Variants in BLOC1S6 observed in about 807,000 individuals in gnomAD.
BLOC1S6 encodes the protein biogenesis of lysosome-related organelles complex 1 subunit 6.
In BLOC1S6, 24 loss-of-function variants were observed where a neutral mutation model predicts 24.7. That is an observed-to-expected ratio of 0.97 (90% CI 0.70 to 1.37). BLOC1S6 has a LOEUF of 1.37. Among genes scored for constraint, BLOC1S6 ranks in the 40% most tolerant of loss-of-function variants. The pLI is 0.00. For missense variants in BLOC1S6, 175 were observed against 196.2 expected (o/e 0.89, Z 0.64); for synonymous variants, 76 against 72.6 (o/e 1.05, Z -0.23).
intron 1 of BLOC1S6, 84 bp downstream of exon 1, chr15:45,587,609 G>A (rs1191827799): frequency 2.9e-6 from 4 of 1,369,874 alleles, no homozygotes; most frequent in East Asian, 5.0e-5. Flanking sequence ...GAGAAACCCT[G>A]GGGGAGTAAG....
At position 45,605,465 on chromosome 15, in the gene BLOC1S6, A is replaced by T. The variant is rs1230644464; in HGVS notation, c.350A>T (p.Asn117Ile). Reference protein sequence around the residue: ...EAKHYHAKLVNIRKEMLMLHE... With the variant: ...EAKHYHAKLVIIRKEMLMLHE... ...AAACACTATCATGCCAAGTTGGTGA[A>T]TATAAGAAAAGAGATGCTGATGCTT... Residue 117 changes from asparagine to isoleucine, a missense_variant, in exon 4 of 5, where the codon AAT becomes ATT. Asn to Ile is a moderately radical substitution (Grantham distance 149, BLOSUM62 -3). Transcript: ENST00000220531. 6.2e-7 allele frequency: 1 copy of T among 1,612,964 alleles called. No homozygotes were observed. The highest frequency in any genetic ancestry group is 1.1e-5 in the South Asian group (1 of 90,768).
At chr15:45,598,085 A>G (rs979037086) in intron 2 of BLOC1S6, 6 of 157,804 alleles carry the variant, frequency 3.8e-5, no homozygotes, top group African/African-American at 1.4e-4. Flanking sequence ...AAAGACAAAA[A>G]CCACATGATT....
At position 45,592,481 on chromosome 15, in the gene BLOC1S6, C is replaced by T. The variant is rs719019; in HGVS notation, c.224+205C>T. Among the ~76,000 whole-genome samples, 14,492 of 152,072 alleles carry T rather than the reference C, an allele frequency of 0.095. 2,366 individuals carry two copies. Among genetic ancestry groups the T allele is most frequent in the African/African-American group, 0.33 (13,830 of 41,416 alleles). Reference sequence around the variant, plus strand: ...GTGAAATGAATACTCCTAGGGTGTTCGATCTCTTCTAAGAAGTACTCCTAA... The same window carrying T: ...GTGAAATGAATACTCCTAGGGTGTTTGATCTCTTCTAAGAAGTACTCCTAA... On this transcript the variant is annotated intron_variant, in intron 2 of 4. Coordinates refer to ENST00000220531, the MANE Select transcript of BLOC1S6 (RefSeq NM_012388.4).
rs906584346 is a variant in BLOC1S6 at position 45,593,507 on chromosome 15, T to G, written c.224+1231T>G. Among the ~76,000 whole-genome samples the G allele has an allele frequency of 2.0e-5, 3 of 152,128 alleles. No homozygotes were observed. The South Asian group carries it at 6.2e-4, about 31-fold the overall frequency. ...CTAATCCCAAACAAGATTTTTTTTA[T>G]CCCTAGCGCGCGATATACCTTATAT... On this transcript the variant is annotated intron_variant, in intron 2 of 4. Transcript: ENST00000220531.
chr15:45,609,278 C>T lies in BLOC1S6; in HGVS notation c.*2764C>T, dbSNP rs1035588334. ...TCAAGGCTGCAGTGAATTCTGATCGCACCACTGAACTCCAGCCCGTATGAC... is the reference window on the plus strand; with the variant it reads ...TCAAGGCTGCAGTGAATTCTGATCGTACCACTGAACTCCAGCCCGTATGAC... On this transcript the variant is annotated 3_prime_UTR_variant, in exon 5 of 5. Coordinates refer to ENST00000220531, the MANE Select transcript of BLOC1S6 (RefSeq NM_012388.4). 1.3e-5 allele frequency: 2 copies of T among 152,108 alleles called. No individual in the cohort carries two copies. Among genetic ancestry groups the T allele is most frequent in the African/African-American group, 4.8e-5 (2 of 41,386 alleles). 9.4% of individuals were successfully genotyped at this position (152,108 alleles called of 1,614,324 possible). A position where few individuals can be genotyped will look rare whatever the true frequency, so the allele number is the denominator to read the frequency against.
At chr15:45,588,814 C>T (rs1304357266) in intron 1 of BLOC1S6, among the ~76,000 whole-genome samples, 1 of 152,214 alleles carries the variant, frequency 6.6e-6, no homozygotes, top group African/African-American at 2.4e-5. Flanking sequence ...CAGAAGTATC[C>T]TGTACTGTAT....
At chr15:45,593,254 T>C (rs1158098878) in intron 2 of BLOC1S6, among the ~76,000 whole-genome samples, 1 of 151,498 alleles carries the variant, frequency 6.6e-6, no homozygotes, top group Non-Finnish European at 1.5e-5. Flanking sequence ...GGCGTGGTGG[T>C]GTGCACCTGT....
chr15:45,605,804 G>T, intron 4 of BLOC1S6: 1 of 343,668 alleles, frequency 2.9e-6, no homozygotes, highest in Non-Finnish European at 5.5e-6. Context: ...TGGCCAGGCT[G>T]GTCTCAAACT....
rs2140920880 is a variant in BLOC1S6 at position 45,606,737 on chromosome 15, T to C, written c.*223T>C. Reference sequence around the variant, plus strand: ...TTTCAAATTTTGCTTAATTTTAAAATTTATTATTTTGATCTTGAATTATTT... The same window carrying C: ...TTTCAAATTTTGCTTAATTTTAAAACTTATTATTTTGATCTTGAATTATTT... On this transcript the variant is annotated 3_prime_UTR_variant, in exon 5 of 5. Transcript: ENST00000220531. 1.8e-6 allele frequency: 1 copy of C among 551,246 alleles called. No individual in the cohort carries two copies. The highest frequency in any genetic ancestry group is 3.1e-6 in the Non-Finnish European group (1 of 321,282). The allele number at this position is 551,246 out of a possible 1,614,324, so 34.1% of individuals were successfully genotyped here.
upstream of BLOC1S6, chr15:45,587,308 C>T: frequency 3.6e-6 from 3 of 833,738 alleles, no homozygotes; most frequent in Admixed American, 4.0e-5. Context: ...TGATCGAAGC[C>T]CGCAGTTTTT....
chr15:45,587,582 G>A (rs1217887294), intron 1 of BLOC1S6, 57 bp downstream of exon 1: 1 of 1,474,446 alleles, frequency 6.8e-7, no homozygotes, highest in Non-Finnish European at 9.2e-7. Flanking sequence ...GCGGGGACCT[G>A]AGTGAGTAGA....
Position 45,606,698 on chromosome 15 carries a change from T to A in BLOC1S6, c.*184T>A. On this transcript the variant is annotated 3_prime_UTR_variant, in exon 5 of 5. Coordinates refer to ENST00000220531, the MANE Select transcript of BLOC1S6 (RefSeq NM_012388.4). ...ACGTCATGTTGCATGGTTTTTGATA[T>A]TTATATGTAAGTTTTTCAAATTTTG... 1 of 708,850 alleles carries A rather than the reference T, an allele frequency of 1.4e-6. No homozygotes were observed. 43.9% of individuals were successfully genotyped at this position (708,850 alleles called of 1,614,324 possible). A position where few individuals can be genotyped will look rare whatever the true frequency, so the allele number is the denominator to read the frequency against.
chr15:45,605,853 G>A (rs1894436376), intron 4 of BLOC1S6: 2 of 303,562 alleles, frequency 6.6e-6, no homozygotes, highest in South Asian at 6.6e-5. Context: ...GCCTCCCAAA[G>A]TGCTGAGATT....
At chr15:45,591,411 C>T (rs1368003508) in intron 1 of BLOC1S6, among the ~76,000 whole-genome samples, 1 of 152,024 alleles carries the variant, frequency 6.6e-6, no homozygotes, top group East Asian at 1.9e-4. Flanking sequence ...GCCTCAGGCT[C>T]CTTTATTTTA....
chr15:45,601,504 G>T (rs1363783866), intron 2 of BLOC1S6: 1 of 152,206 alleles, frequency 6.6e-6, no homozygotes, highest in African/African-American at 2.4e-5. Context: ...ATCTTTCAAA[G>T]AATTAGTCCA....
intron 2 of BLOC1S6, among the ~76,000 whole-genome samples, chr15:45,597,346 G>C (rs1001459569): frequency 6.6e-6 from 1 of 152,098 alleles, no homozygotes; most frequent in Admixed American, 6.6e-5. Context: ...TGGCGTGGTG[G>C]TGTGCACCTG....
Position 45,609,281 on chromosome 15 carries a change from C to T in BLOC1S6, c.*2767C>T, listed in dbSNP as rs1478250916. The T allele has an allele frequency of 2.6e-5, 4 of 152,066 alleles. No homozygotes were observed. Among genetic ancestry groups the T allele is most frequent in the Non-Finnish European group, 4.4e-5 (3 of 68,034 alleles). 9.4% of individuals were successfully genotyped at this position (152,066 alleles called of 1,614,324 possible). ...AGGCTGCAGTGAATTCTGATCGCAC[C>T]ACTGAACTCCAGCCCGTATGACAGA... On this transcript the variant is annotated 3_prime_UTR_variant, in exon 5 of 5. Coordinates refer to ENST00000220531, the MANE Select transcript of BLOC1S6 (RefSeq NM_012388.4).
At chr15:45,604,197 C>A (rs1894367036) in intron 3 of BLOC1S6, among the ~76,000 whole-genome samples, 1 of 152,090 alleles carries the variant, frequency 6.6e-6, no homozygotes, top group African/African-American at 2.4e-5. Context: ...AGCAAGACCC[C>A]ATCTCTATTA....
chr15:45,587,322 C>T (rs1893709018), upstream of BLOC1S6: 1 of 983,260 alleles, frequency 1.0e-6, no homozygotes. Flanking sequence ...AGTTTTTTCG[C>T]CCCCGTCACT....
Sources: gnomAD v4.1 joint callset for allele counts (sites outside exome capture counted in the v4.1 genomes callset) on GRCh38, gnomAD v4.1.1 for gene constraint, MANE v1.5 for transcripts, NCBI Gene and HGNC (gene_info 2026-07-23, HGNC 2026-07-21) for gene names.